USP34: variants seen among roughly 807,000 people sequenced by gnomAD.
USP34 encodes the protein ubiquitin specific peptidase 34, also known as ubiquitin carboxyl-terminal hydrolase 34.
A neutral mutation model predicts 460.3 loss-of-function variants in USP34; 70 were observed. The ratio of observed to expected loss-of-function variants is 0.15; its 90% CI spans 0.13 to 0.19. USP34 has a LOEUF of 0.19. Among genes scored for constraint, USP34 ranks in the 10% least tolerant of loss-of-function variants. The probability of loss-of-function intolerance (pLI) is 1.00; values close to 1 mark genes in which losing one functional copy is unlikely to be tolerated. For missense variants in USP34, 3,985 were observed against 4,236.2 expected, an observed-to-expected ratio of 0.94 and a Z score of 1.65; for synonymous variants, 1,647 against 1,405.3, an observed-to-expected ratio of 1.17 and a Z score of -3.85.
intron 16 of USP34, among the ~76,000 whole-genome samples, chr2:61,342,420 C>T (rs374198728): frequency 2.1e-4 from 31 of 151,140 alleles, no homozygotes; most frequent in South Asian, 4.2e-4. Flanking sequence ...CCTGCTTCAG[C>T]CTCCCAAGTA....
At chr2:61,236,410 A>G (rs754711468) in intron 53 of USP34, 21 bp from the exon 54 acceptor site, 7 of 1,554,936 alleles carry the variant, frequency 4.5e-6, no homozygotes, top group Non-Finnish European at 6.1e-6. Context: ...AAATGTTAAC[A>G]TTAGTGATAA....
chr2:61,295,119 C>T, intron 31 of USP34, 49 bp downstream of exon 31: 4 of 1,597,368 alleles, frequency 2.5e-6, no homozygotes, highest in East Asian at 2.2e-5. Flanking sequence ...TAGAATTTTG[C>T]TCCAGAGAGA....
chr2:61,245,080 TA>T, intron 51 of USP34, 129 bp downstream of exon 51: 1 of 612,174 alleles, frequency 1.6e-6, no homozygotes, highest in Non-Finnish European at 2.8e-6. Flanking sequence ...CCAATAAATA[TA>T]AACTGAATAA....
intron 22 of USP34, among the ~76,000 whole-genome samples, chr2:61,318,431 A>G (rs753113963): frequency 5.9e-5 from 9 of 152,188 alleles, no homozygotes; most frequent in South Asian, 2.1e-4. Flanking sequence ...GGCAAAAGTT[A>G]TATTTGTAGC....
intron 2 of USP34, chr2:61,417,263 T>C: frequency 9.2e-7 from 1 of 1,081,746 alleles, no homozygotes; most frequent in African/African-American, 1.5e-5. Context: ...CAAGGTCCCT[T>C]AGAGCAACCT....
intron 7 of USP34, among the ~76,000 whole-genome samples, chr2:61,379,087 G>A (rs146369666): frequency 6.6e-6 from 1 of 152,106 alleles, no homozygotes; most frequent in South Asian, 2.1e-4. Flanking sequence ...AGACTCCCCA[G>A]ATAAATCCAC....
At chr2:61,447,774 G>A (rs1243465264) in intron 1 of USP34, among the ~76,000 whole-genome samples, 1 of 152,140 alleles carries the variant, frequency 6.6e-6, no homozygotes, top group Non-Finnish European at 1.5e-5. Context: ...GGAGTGCAGT[G>A]GTGCAATCTC....
chr2:61,190,051 A>C (rs143998895), intron 78 of USP34: 2 of 448,688 alleles, frequency 4.5e-6, no homozygotes, highest in Admixed American at 4.0e-5. Flanking sequence ...ATTACCTTTC[A>C]GCATTTAATG....
chr2:61,314,827 C>T (rs372603014), intron 24 of USP34, 48 bp downstream of exon 24: 29 of 1,594,860 alleles, frequency 1.8e-5, no homozygotes, highest in Non-Finnish European at 2.5e-5. Context: ...TTTCACAAAA[C>T]ACCCTCACAT....
At chr2:61,232,868 C>A (rs1316049171) in intron 57 of USP34, among the ~76,000 whole-genome samples, 10 of 120,412 alleles carry the variant, frequency 8.3e-5, no homozygotes, top group East Asian at 5.6e-4. Flanking sequence ...ATTCCCCCCC[C>A]CCTTTTTTTT....
intron 10 of USP34, among the ~76,000 whole-genome samples, chr2:61,361,267 A>G (rs1341718558): frequency 6.6e-6 from 1 of 152,162 alleles, no homozygotes; most frequent in African/African-American, 2.4e-5. Flanking sequence ...TAAAAAAATT[A>G]AAAGTTAGCT....
At chr2:61,290,006 T>C (rs1689803783) in intron 33 of USP34, among the ~76,000 whole-genome samples, 1 of 152,104 alleles carries the variant, frequency 6.6e-6, no homozygotes, top group Admixed American at 6.5e-5. Flanking sequence ...GAAAGACTTC[T>C]CCATAATATT....
At chr2:61,453,712 C>T (rs1257319916) in intron 1 of USP34, among the ~76,000 whole-genome samples, 8 of 104,464 alleles carry the variant, frequency 7.7e-5, no homozygotes, top group African/African-American at 3.4e-4. Context: ...GACATTCCAT[C>T]TCAAAAAAAA....
At chr2:61,376,039 T>C (rs1481032893) in intron 8 of USP34, among the ~76,000 whole-genome samples, 3 of 152,050 alleles carry the variant, frequency 2.0e-5, no homozygotes, top group Non-Finnish European at 1.5e-5. Context: ...AGAAAGTAGA[T>C]TAGTGAGGCT....
chr2:61,421,019 G>T (rs181959816), intron 1 of USP34, among the ~76,000 whole-genome samples, 186 bp from the exon 2 acceptor site: 1 of 151,700 alleles, frequency 6.6e-6, no homozygotes, highest in Non-Finnish European at 1.5e-5. Flanking sequence ...TTTGACAGAT[G>T]TAAGGGGTGG....
chr2:61,458,559 C>G (rs1453262773), intron 1 of USP34, among the ~76,000 whole-genome samples: 35 of 28,916 alleles, frequency 1.2e-3, no homozygotes, highest in African/African-American at 5.5e-3. Context: ...GAAACTGTCT[C>G]AGAAAAAAAA....
chr2:61,446,433 T>C (rs1014095887), intron 1 of USP34, among the ~76,000 whole-genome samples: 10 of 152,172 alleles, frequency 6.6e-5, no homozygotes, highest in Admixed American at 2.0e-4. Context: ...CAAAACTCAA[T>C]GGTAATTTCT....
chr2:61,395,593 TCGAGAC>T (rs1183081088), intron 3 of USP34, among the ~76,000 whole-genome samples: 3 of 139,560 alleles, frequency 2.1e-5, no homozygotes, highest in Non-Finnish European at 4.5e-5. Flanking sequence ...GGTCAGGAGA[TCGAGAC>T]CACGGTGAAA....
chr2:61,283,502 A>T, intron 35 of USP34, 53 bp from the exon 36 acceptor site: 1 of 1,547,870 alleles, frequency 6.5e-7, no homozygotes, highest in Non-Finnish European at 8.8e-7. Context: ...TGAATTAAAA[A>T]TAATTCAATT....
Sources: allele counts gnomAD v4.1 joint callset (sites outside exome capture counted in the v4.1 genomes callset), GRCh38; gene constraint gnomAD v4.1.1; transcripts MANE v1.5; gene names NCBI Gene and HGNC (gene_info 2026-07-23, HGNC 2026-07-21).